Variants in PPEF1 observed in about 807,000 individuals in gnomAD.
PPEF1 encodes the protein serine/threonine-protein phosphatase with EF-hands 1.
In PPEF1, 12 loss-of-function variants were observed where a neutral mutation model predicts 53.3. The observed-to-expected ratio is 0.23, with a 90% CI of 0.14 to 0.36. PPEF1 has a LOEUF of 0.36. Among genes scored for constraint, PPEF1 ranks in the 10% least tolerant of loss-of-function variants. PPEF1 has a pLI of 1.00. For synonymous variants in PPEF1, 165 were observed against 176.7 expected, an observed-to-expected ratio of 0.93 and a Z score of 0.52; for missense variants, 334 against 490.4, an observed-to-expected ratio of 0.68 and a Z score of 3.01.
chrX:18,715,674 A>G (rs1443809124), intron 1 of PPEF1, among the ~76,000 whole-genome samples: 1 of 112,114 alleles, frequency 8.9e-6, no homozygotes, highest in Non-Finnish European at 1.9e-5. Flanking sequence ...AAACTCTTAA[A>G]GCTTTGATTA....
intron 1 of PPEF1, among the ~76,000 whole-genome samples, chrX:18,715,392 C>T (rs1049571572): frequency 5.4e-5 from 6 of 110,711 alleles, no homozygotes; most frequent in Non-Finnish European, 7.6e-5. Context: ...ATTAGCTGGG[C>T]GTGACGGCAC....
At chrX:18,789,375 A>G in intron 10 of PPEF1, 102 bp downstream of exon 10, 1 of 798,027 alleles carries the variant, frequency 1.3e-6, no homozygotes, top group South Asian at 3.1e-5. Context: ...TTACGAGGAG[A>G]CCACATGATT....
chrX:18,729,542 T>C (rs1286185598), intron 1 of PPEF1, among the ~76,000 whole-genome samples: 1 of 112,333 alleles, frequency 8.9e-6, no homozygotes, highest in Non-Finnish European at 1.9e-5. Context: ...TTTTAAGACC[T>C]ACTGGTTAGG....
intron 5 of PPEF1, among the ~76,000 whole-genome samples, chrX:18,759,163 G>A (rs1394473585): frequency 9.0e-6 from 1 of 111,367 alleles, no homozygotes; most frequent in African/African-American, 3.3e-5. Context: ...CCACATCTTG[G>A]CACTTATTTC....
intron 2 of PPEF1, among the ~76,000 whole-genome samples, chrX:18,685,966 T>C (rs1168573458): frequency 9.0e-6 from 1 of 111,604 alleles, no homozygotes; most frequent in African/African-American, 3.3e-5. Flanking sequence ...CAACTGAAAA[T>C]TGATTGTGAA....
chrX:18,775,533 G>A (rs1036521652), intron 6 of PPEF1, among the ~76,000 whole-genome samples: 2 of 111,893 alleles, frequency 1.8e-5, no homozygotes, highest in Admixed American at 1.9e-4. Context: ...CCAACCCATT[G>A]ATATTTTAAG....
chrX:18,761,475 AATGGGC>A, intron 5 of PPEF1, 49 bp from the exon 6 acceptor site: 1 of 1,038,799 alleles, frequency 9.6e-7, no homozygotes, highest in Non-Finnish European at 1.4e-6. Flanking sequence ...CACTTTTAAA[AATGGGC>A]ATTGCATCTT....
chrX:18,732,094 C>T (rs2044851718), intron 2 of PPEF1, among the ~76,000 whole-genome samples: 1 of 112,594 alleles, frequency 8.9e-6, no homozygotes, highest in Admixed American at 9.4e-5. Flanking sequence ...GGATTACAGG[C>T]GTGAGCCACT....
At chrX:18,775,211 C>CTTTTTTTTTT (rs765208120) in intron 6 of PPEF1, among the ~76,000 whole-genome samples, 4 of 50,166 alleles carry the variant, frequency 8.0e-5, no homozygotes, top group Non-Finnish European at 1.3e-4. Flanking sequence ...TAACCCATTG[C>CTTTTTTTTTT]TTTTTTTTTT....
chrX:18,733,610 A>G (rs2044889729), intron 2 of PPEF1, 138 bp from the exon 3 acceptor site: 1 of 481,516 alleles, frequency 2.1e-6, no homozygotes, highest in East Asian at 4.1e-5. Flanking sequence ...CAGGCATAGA[A>G]GTGACCCTTA....
chrX:18,712,892 T>G (rs2044359889), intron 1 of PPEF1, among the ~76,000 whole-genome samples: 1 of 112,324 alleles, frequency 8.9e-6, no homozygotes, highest in Admixed American at 9.5e-5. Flanking sequence ...TGTCCTTTAT[T>G]TTATGATATG....
chrX:18,796,656 A>T (rs886879752), intron 10 of PPEF1, among the ~76,000 whole-genome samples: 8 of 112,000 alleles, frequency 7.1e-5, no homozygotes, highest in Non-Finnish European at 1.9e-5. Context: ...TGTTGACTAA[A>T]ATGTGATTTC....
intron 10 of PPEF1, among the ~76,000 whole-genome samples, chrX:18,795,878 T>A (rs1237668366): frequency 3.6e-5 from 4 of 112,290 alleles, no homozygotes; most frequent in Non-Finnish European, 7.5e-5. Flanking sequence ...ACGCTTCTCA[T>A]TTTTGACTGC....
At chrX:18,693,749 G>A (rs1454054987) in intron 4 of PPEF1, among the ~76,000 whole-genome samples, 1 of 111,362 alleles carries the variant, frequency 9.0e-6, no homozygotes, top group Non-Finnish European at 1.9e-5. Context: ...TGTGTTTTTA[G>A]TAGAGACACG....
chrX:18,745,160 TATA>T (rs1428112458), intron 3 of PPEF1, among the ~76,000 whole-genome samples: 11 of 95,573 alleles, frequency 1.2e-4, no homozygotes, highest in African/African-American at 4.2e-4. Context: ...TATATTATAA[TATA>T]ATTATATATT....
At chrX:18,728,200 T>C (rs2044754463) in intron 1 of PPEF1, among the ~76,000 whole-genome samples, 2 of 109,234 alleles carry the variant, frequency 1.8e-5, no homozygotes, top group South Asian at 7.8e-4. Flanking sequence ...TCTCTCTCTC[T>C]CTCTATATAT....
chrX:18,751,766 C>T (rs892375816), intron 4 of PPEF1, among the ~76,000 whole-genome samples: 12 of 112,009 alleles, frequency 1.1e-4, no homozygotes, highest in Admixed American at 1.0e-3. Context: ...GGCGAGAAAG[C>T]GAGACTCCAT....
chrX:18,697,251 G>T (rs750478045), intron 4 of PPEF1, among the ~76,000 whole-genome samples: 1 of 112,133 alleles, frequency 8.9e-6, no homozygotes, highest in Non-Finnish European at 1.9e-5. Flanking sequence ...CAGCAGTGGG[G>T]AAGTGAGAAA....
chrX:18,811,086 T>C (rs1255416991), intron 12 of PPEF1, among the ~76,000 whole-genome samples: 1 of 112,238 alleles, frequency 8.9e-6, no homozygotes, highest in Non-Finnish European at 1.9e-5. Context: ...AGTTTCACTC[T>C]TGTTGCCCCA....
Sources: allele counts gnomAD v4.1 joint callset (sites outside exome capture counted in the v4.1 genomes callset), GRCh38; gene constraint gnomAD v4.1.1; transcripts MANE v1.5; gene names NCBI Gene and HGNC (gene_info 2026-07-23, HGNC 2026-07-21).